Variants in SPTBN1 observed in about 807,000 individuals in gnomAD.
SPTBN1 encodes the protein spectrin beta chain, non-erythrocytic 1.
A neutral mutation model predicts 266.4 loss-of-function variants in SPTBN1; 32 were observed. The ratio of observed to expected loss-of-function variants is 0.12; its 90% CI spans 0.09 to 0.16. SPTBN1 has a LOEUF of 0.16. Ranked by LOEUF, SPTBN1 falls within the 10% of genes least tolerant of loss-of-function variation. SPTBN1 has a pLI of 1.00. For missense variants in SPTBN1, 2,296 were observed against 3,067.1 expected (o/e 0.75, Z 5.94); for synonymous variants, 1,336 against 1,162.2 (o/e 1.15, Z -3.04).
At chr2:54,650,011 G>A in intron 26 of SPTBN1, 22 bp downstream of exon 26, 1 of 1,583,374 alleles carries the variant, frequency 6.3e-7, no homozygotes, top group Non-Finnish European at 8.6e-7. Context: ...AGCCACCCAG[G>A]GGTGCTGGGG....
chr2:54,621,112 G>A lies in SPTBN1; in HGVS notation c.764-288G>A, dbSNP rs548389104. On this transcript the variant is annotated intron_variant, in intron 7 of 35. Coordinates refer to ENST00000356805, the MANE Select transcript of SPTBN1 (RefSeq NM_003128.3). ...GGGGGCGGTGCTGGTCCTGTAGGCAGCAATGAGGACTCAAGCAGAGCTAAC... is the reference window on the plus strand; with the variant it reads ...GGGGGCGGTGCTGGTCCTGTAGGCAACAATGAGGACTCAAGCAGAGCTAAC... Among the ~76,000 whole-genome samples, 19 of 152,320 alleles carry A rather than the reference G, an allele frequency of 1.2e-4. 1 individual carries two copies. The South Asian group carries it at 3.9e-3, about 32-fold the overall frequency.
At chr2:54,556,689 T>G (rs555886384) in intron 2 of SPTBN1, among the ~76,000 whole-genome samples, 16 of 151,696 alleles carry the variant, frequency 1.1e-4, no homozygotes, top group African/African-American at 2.9e-4. Context: ...GTGTGTGTGT[T>G]TGTGTGTGTG....
At chr2:54,459,033 T>A (rs1008130353) in intron 1 of SPTBN1, among the ~76,000 whole-genome samples, 5 of 152,212 alleles carry the variant, frequency 3.3e-5, no homozygotes, top group African/African-American at 1.2e-4. Context: ...GCGTACAGAT[T>A]TTTATGAATG....
chr2:54,515,955 T>G (rs749236175), intron 1 of SPTBN1: 1 of 152,226 alleles, frequency 6.6e-6, no homozygotes, highest in Non-Finnish European at 1.5e-5. Flanking sequence ...TCATTCCTTG[T>G]GGGGGCAATA....
chr2:54,523,596 G>T (rs572269147), intron 1 of SPTBN1, among the ~76,000 whole-genome samples: 1 of 152,352 alleles, frequency 6.6e-6, no homozygotes, highest in Non-Finnish European at 1.5e-5. Context: ...ATGGAAACTT[G>T]GTTGCATGTG....
At chr2:54,661,138 C>T in intron 32 of SPTBN1, 1 of 985,384 alleles carries the variant, frequency 1.0e-6, no homozygotes, top group Non-Finnish European at 1.2e-6. Context: ...TTCATTTTCT[C>T]AAGACTTTTT....
chr2:54,660,940 G>A (rs967144207), intron 32 of SPTBN1: 3 of 985,288 alleles, frequency 3.0e-6, no homozygotes, highest in Non-Finnish European at 3.6e-6. Flanking sequence ...TGACTTCAGG[G>A]TGTCAAACTG....
chr2:54,649,681 A>G lies in SPTBN1; in HGVS notation c.5269A>G (p.Thr1757Ala). The change falls in exon 26 of 36, where the codon ACG becomes GCG. Residue 1757 changes from threonine to alanine, a missense_variant. Coordinates refer to ENST00000356805, the MANE Select transcript of SPTBN1 (RefSeq NM_003128.3). The surrounding 1 kb of genome is among the most constrained non-coding windows in gnomAD (Gnocchi z 6.7). ...GAACATTGGGCAGGAGCGCGTGGAC[A>G]CGGTCAATCACCTGGCAGATGAGCT... ...TGNIGQERVD[T>A]VNHLADELIN... 1 of 1,614,120 alleles carries G rather than the reference A, an allele frequency of 6.2e-7. No homozygotes were observed. Among genetic ancestry groups the G allele is most frequent in the Non-Finnish European group, 8.5e-7 (1 of 1,179,982 alleles).
chr2:54,662,129 C>T (rs1681090623), intron 32 of SPTBN1: 2 of 985,342 alleles, frequency 2.0e-6, no homozygotes, highest in African/African-American at 1.7e-5. Flanking sequence ...GCCACTAAAG[C>T]ACTCTGGACT....
At chr2:54,647,522 C>T (rs572181255) in intron 24 of SPTBN1, among the ~76,000 whole-genome samples, 15 of 152,236 alleles carry the variant, frequency 9.9e-5, no homozygotes, top group African/African-American at 3.1e-4. Flanking sequence ...ATATTGGTGT[C>T]GTGAGTCAAA....
In SPTBN1 at chr2:54,558,538, A is replaced by G; in HGVS notation, c.148+31972A>G. The G allele has an allele frequency of 7.9e-7, 1 of 1,271,692 alleles. No homozygotes were observed. The highest frequency in any genetic ancestry group is 9.9e-7 in the Non-Finnish European group (1 of 1,005,876). The allele number at this position is 1,271,692 out of a possible 1,614,324, so 78.8% of individuals were successfully genotyped here. A position where few individuals can be genotyped will look rare whatever the true frequency, so the allele number is the denominator to read the frequency against. On this transcript the variant is annotated intron_variant, in intron 2 of 35. Coordinates refer to ENST00000356805, the MANE Select transcript of SPTBN1 (RefSeq NM_003128.3). This position sits in a 1 kb window ranked among gnomAD's most constrained non-coding sequence, Gnocchi z 4.6. ...AGTAATTTATTTCGAGCTTCCAGGC[A>G]AGGGCCACGGAAGAAGGGAAAGCAA...
chr2:54,590,960 G>A (rs774571152), intron 2 of SPTBN1, among the ~76,000 whole-genome samples: 29 of 152,208 alleles, frequency 1.9e-4, no homozygotes, highest in Non-Finnish European at 4.0e-4. Flanking sequence ...ATTAGAATGC[G>A]GAGAGAGGCC....
chr2:54,570,156 T>C (rs1004955073), intron 2 of SPTBN1, among the ~76,000 whole-genome samples: 3 of 152,182 alleles, frequency 2.0e-5, no homozygotes, highest in African/African-American at 7.2e-5. Flanking sequence ...AGCGCTCCTG[T>C]AGCCAGACTC....
chr2:54,497,086 C>A (rs28698551), intron 1 of SPTBN1, among the ~76,000 whole-genome samples: 1 of 152,102 alleles, frequency 6.6e-6, no homozygotes, highest in Non-Finnish European at 1.5e-5. Context: ...CATGAAGATA[C>A]GAAATCTGCT....
chr2:54,668,485 C>G lies in SPTBN1; in HGVS notation c.7011C>G (p.Thr2337=). 6.2e-7 allele frequency: 1 copy of G among 1,614,210 alleles called. No individual in the cohort carries two copies. Among genetic ancestry groups the G allele is most frequent in the Non-Finnish European group, 8.5e-7 (1 of 1,180,032 alleles). ...TCCCCACCAGCGTCGTCACCATCAC[C>G]AGCGAGTCCAGTCCCGGCAAGCGGG... ...QTLPTSVVTI[T]SESSPGKREK... The change falls in exon 36 of 36, where the codon ACC becomes ACG. Residue 2337 remains threonine, a synonymous_variant. Coordinates refer to ENST00000356805, the MANE Select transcript of SPTBN1 (RefSeq NM_003128.3).
At chr2:54,615,306 G>C (rs1677525010) in intron 4 of SPTBN1, among the ~76,000 whole-genome samples, 1 of 152,192 alleles carries the variant, frequency 6.6e-6, no homozygotes, top group South Asian at 2.1e-4. Context: ...GAGCATGACA[G>C]AGCAGCGAAG....
intron 1 of SPTBN1, among the ~76,000 whole-genome samples, chr2:54,486,493 G>A (rs926101346): frequency 6.6e-6 from 1 of 152,148 alleles, no homozygotes; most frequent in Non-Finnish European, 1.5e-5. Context: ...GGTGCAAGAT[G>A]TGCTTTGTTA....
chr2:54,603,534 C>T (rs4358162), intron 3 of SPTBN1, among the ~76,000 whole-genome samples: 33,495 of 152,066 alleles, frequency 0.22, 4,531 homozygotes, highest in African/African-American at 0.38. Context: ...GACTCTTCAG[C>T]GCCTCCTTTC....
At chr2:54,572,423 G>T (rs10205331) in intron 2 of SPTBN1, among the ~76,000 whole-genome samples, 54,152 of 151,770 alleles carry the variant, frequency 0.36, 10,886 homozygotes, top group African/African-American at 0.56. Context: ...TTTTCTAACC[G>T]CGAGTGTCTT....
Sources: gnomAD v4.1 joint callset for allele counts (sites outside exome capture counted in the v4.1 genomes callset) on GRCh38, gnomAD v4.1.1 for gene constraint, Gnocchi (gnomAD v3.1) non-coding constraint, MANE v1.5 for transcripts, NCBI Gene and HGNC (gene_info 2026-07-23, HGNC 2026-07-21) for gene names.